Variants in AXIN1 observed in about 807,000 individuals in gnomAD.
AXIN1 encodes axin 1.
Under a neutral mutation model 76.4 loss-of-function variants are expected in AXIN1, and 30 were observed. The ratio of observed to expected loss-of-function variants is 0.39; its 90% CI spans 0.29 to 0.53. The LOEUF (loss-of-function observed/expected upper bound fraction) is 0.53. AXIN1 is among the 20% of genes least tolerant of loss of function. AXIN1 has a pLI of 0.66. For synonymous variants in AXIN1, 545 were observed against 501.4 expected, an observed-to-expected ratio of 1.09 and a Z score of -1.16; for missense variants, 1,140 against 1,198.8, an observed-to-expected ratio of 0.95 and a Z score of 0.72.
intron 2 of AXIN1, among the ~76,000 whole-genome samples, chr16:345,835 G>A (rs934797384): frequency 6.6e-6 from 1 of 152,146 alleles, no homozygotes; most frequent in South Asian, 2.1e-4. Context: ...TCCTATTTAA[G>A]AGGTGACAGA....
chr16:314,086 C>G (rs958204360), intron 3 of AXIN1, among the ~76,000 whole-genome samples: 1 of 152,216 alleles, frequency 6.6e-6, no homozygotes, highest in Non-Finnish European at 1.5e-5. Flanking sequence ...TGTCTTTAAG[C>G]TGAAACCCCA....
At chr16:320,743 A>ATATATATATATATATT (rs397722732) in intron 2 of AXIN1, among the ~76,000 whole-genome samples, 6 of 107,622 alleles carry the variant, frequency 5.6e-5, no homozygotes, top group African/African-American at 2.3e-4. Context: ...ATATATATAT[A>ATATATATATATATATT]TTTTTTTTTT....
At chr16:299,139 C>G (rs1004799987) in intron 5 of AXIN1, 18 of 985,282 alleles carry the variant, frequency 1.8e-5, no homozygotes, top group African/African-American at 3.5e-5. Flanking sequence ...TGCTGCCTGA[C>G]GAGCTTCCAC....
chr16:334,028 AC>A (rs2053748382), intron 2 of AXIN1, among the ~76,000 whole-genome samples: 2 of 150,782 alleles, frequency 1.3e-5, no homozygotes, highest in Admixed American at 1.3e-4. Context: ...ACGCAGTACC[AC>A]AGCACCCAGT....
chr16:304,245 G>A lies in AXIN1; in HGVS notation c.1254+59C>T, dbSNP rs536280994. The A allele has an allele frequency of 4.1e-5, 65 of 1,599,700 alleles. No individual in the cohort carries two copies. In the Middle Eastern group the frequency reaches 6.3e-4, roughly 16 times the overall value. On this transcript the variant is annotated intron_variant, in intron 5 of 10. Coordinates refer to ENST00000262320, the MANE Select transcript of AXIN1 (RefSeq NM_003502.4). ...CCCATGAAGAACATCAGGACATCCC[G>A]GCGGCAAGAAAACAGCACGACACCG... is the stretch of plus-strand genomic sequence containing the variant.
At chr16:312,813 G>C (rs1439949573) in intron 3 of AXIN1, among the ~76,000 whole-genome samples, 1 of 152,236 alleles carries the variant, frequency 6.6e-6, no homozygotes, top group Non-Finnish European at 1.5e-5. Flanking sequence ...GGCTGAATCT[G>C]GTTCAGAAAC....
At position 352,434 on chromosome 16, in the gene AXIN1, T is replaced by A. The variant is rs979238700; in HGVS notation, c.-147A>T. On this transcript the variant is annotated 5_prime_UTR_variant, in exon 1 of 11. An upstream start codon of the reference 5' UTR is lost. Transcript: ENST00000262320. Reference sequence around the variant, plus strand: ...AGCGGCGCGGCGCGGTCCGGGCCCATGCGCTCAGCGGCAGCGCGGCGGGCG... The same window carrying A: ...AGCGGCGCGGCGCGGTCCGGGCCCAAGCGCTCAGCGGCAGCGCGGCGGGCG... The A allele has an allele frequency of 0.047, 45,717 of 972,814 alleles. 1,258 individuals carry two copies. Among genetic ancestry groups the A allele is most frequent in the Admixed American group, 0.068 (1,062 of 15,608 alleles). 60.3% of individuals were successfully genotyped at this position (972,814 alleles called of 1,614,324 possible).
chr16:296,036 T>G (rs1303758485), intron 7 of AXIN1, among the ~76,000 whole-genome samples: 1 of 151,916 alleles, frequency 6.6e-6, no homozygotes, highest in Non-Finnish European at 1.5e-5. Flanking sequence ...GAGGCCAAGG[T>G]GGGAGGATCA....
chr16:326,373 ATATAT>A (rs371901354), intron 2 of AXIN1, among the ~76,000 whole-genome samples: 501 of 49,422 alleles, frequency 0.01, 4 homozygotes, highest in African/African-American at 0.025. Context: ...AAAAAAAAAA[ATATAT>A]ATATATATAT....
chr16:341,814 C>T (rs1211351437), intron 2 of AXIN1, among the ~76,000 whole-genome samples: 3 of 152,258 alleles, frequency 2.0e-5, no homozygotes, highest in Non-Finnish European at 4.4e-5. Flanking sequence ...CCAATCAGCA[C>T]TCTGTGTCTA....
chr16:327,725 C>T (rs1197359254), intron 2 of AXIN1, among the ~76,000 whole-genome samples: 2 of 152,264 alleles, frequency 1.3e-5, no homozygotes, highest in Non-Finnish European at 2.9e-5. Context: ...CACAGGCAGT[C>T]TGCCAATTCC....
intron 2 of AXIN1, among the ~76,000 whole-genome samples, chr16:323,001 A>C (rs55705600): frequency 0.14 from 21,979 of 152,198 alleles, 1,827 homozygotes; most frequent in South Asian, 0.25. Flanking sequence ...CTTGCTTCCC[A>C]AAACTGAGAG....
intron 3 of AXIN1, among the ~76,000 whole-genome samples, chr16:312,905 C>G (rs1250722646): frequency 6.6e-6 from 1 of 152,226 alleles, no homozygotes; most frequent in African/African-American, 2.4e-5. Context: ...AAGAACAAAC[C>G]AGCCAGGCAC....
intron 2 of AXIN1, among the ~76,000 whole-genome samples, chr16:337,659 G>A (rs1051974437): frequency 2.6e-5 from 4 of 152,214 alleles, no homozygotes; most frequent in Non-Finnish European, 5.9e-5. Context: ...TGGCCACCTA[G>A]CCAGCTGAGC....
intron 7 of AXIN1, 112 bp downstream of exon 7, chr16:296,944 G>A: frequency 7.6e-7 from 1 of 1,307,952 alleles, no homozygotes; most frequent in South Asian, 1.2e-5. Flanking sequence ...GAAGTGTGAG[G>A]CGTCACAGGC....
intron 8 of AXIN1, chr16:291,702 T>G: frequency 3.1e-6 from 1 of 326,192 alleles, no homozygotes; most frequent in Non-Finnish European, 6.0e-6. Flanking sequence ...GCGTGGCAAC[T>G]CGGTCTGCAC....
At chr16:288,339 C>G (rs1361811401) in intron 10 of AXIN1, 91 bp from the exon 11 acceptor site, 5 of 1,563,084 alleles carry the variant, frequency 3.2e-6, no homozygotes, top group African/African-American at 2.7e-5. Context: ...CACACCCCAT[C>G]CCGAGGAGCC....
Position 287,946 on chromosome 16 carries a change from T to C in AXIN1, c.*176A>G, listed in dbSNP as rs763757900. 4 of 1,036,358 alleles carry C rather than the reference T, an allele frequency of 3.9e-6. No individual in the cohort carries two copies. The highest frequency in any genetic ancestry group is 5.9e-6 in the Non-Finnish European group (4 of 683,486). The allele number at this position is 1,036,358 out of a possible 1,614,324, so 64.2% of individuals were successfully genotyped here. On this transcript the variant is annotated 3_prime_UTR_variant, in exon 11 of 11. Transcript: ENST00000262320. ...CCTCCTTGGGGGCAGGACAGAAGCT[T>C]GTGGACCACTTGGAGGGACCCCCTA...
chr16:347,872 G>T (rs2054064429), intron 1 of AXIN1, among the ~76,000 whole-genome samples: 1 of 152,232 alleles, frequency 6.6e-6, no homozygotes, highest in South Asian at 2.1e-4. Flanking sequence ...TGCTGCACTT[G>T]ACTCTGAAAA....
Sources: allele counts gnomAD v4.1 joint callset (sites outside exome capture counted in the v4.1 genomes callset), GRCh38; gene constraint gnomAD v4.1.1; transcripts MANE v1.5; gene names NCBI Gene and HGNC (gene_info 2026-07-23, HGNC 2026-07-21).